Variants in NUDT5 observed in about 807,000 individuals in gnomAD.
The protein encoded by NUDT5 is nudix hydrolase 5.
In NUDT5, 21 loss-of-function variants were observed where a neutral mutation model predicts 34.1. That is an observed-to-expected ratio of 0.62 (90% CI 0.44 to 0.89). NUDT5 has a LOEUF of 0.89. Among genes scored for constraint, NUDT5 ranks in the 40% least tolerant of loss-of-function variants. The probability of loss-of-function intolerance (pLI) is 0.00; values close to 1 mark genes in which losing one functional copy is unlikely to be tolerated. For missense variants in NUDT5, 249 were observed against 274.8 expected, an observed-to-expected ratio of 0.91 and a Z score of 0.66; for synonymous variants, 85 against 97.6, an observed-to-expected ratio of 0.87 and a Z score of 0.76.
intron 3 of NUDT5, among the ~76,000 whole-genome samples, chr10:12,179,514 C>T (rs552373402): frequency 2.0e-5 from 3 of 152,320 alleles, no homozygotes; most frequent in South Asian, 2.1e-4. Context: ...AGACTCACCC[C>T]GTCTCTAGGA....
intron 1 of NUDT5, among the ~76,000 whole-genome samples, chr10:12,193,780 T>C (rs1588664679): frequency 6.6e-6 from 1 of 152,190 alleles, no homozygotes. Context: ...CTGTAGTATC[T>C]ATATATTTAA....
At position 12,166,552 on chromosome 10, in the gene NUDT5, G is replaced by A. The variant is rs1834701523; in HGVS notation, c.*1150C>T. 1 of 320,916 alleles carries A rather than the reference G, an allele frequency of 3.1e-6. No individual in the cohort carries two copies. Among genetic ancestry groups the A allele is most frequent in the African/African-American group, 2.2e-5 (1 of 45,976 alleles). The allele number at this position is 320,916 out of a possible 1,614,324, so 19.9% of individuals were successfully genotyped here. On this transcript the variant is annotated 3_prime_UTR_variant, in exon 10 of 10. Transcript: ENST00000491614. The stretch of plus-strand genomic sequence containing the variant: ...TCAGACAGTGAGCCTGTGGACAAAC[G>A]GAGGCTACTGCAGCATTCTGGCATT...
chr10:12,176,559 G>A (rs560113241), intron 5 of NUDT5, among the ~76,000 whole-genome samples: 14 of 149,998 alleles, frequency 9.3e-5, no homozygotes, highest in Non-Finnish European at 1.3e-4. Context: ...AGCTGAGATC[G>A]TGCCACTGCA....
In NUDT5 at chr10:12,167,440, C is replaced by A; in HGVS notation, c.*262G>T. 1 of 364,922 alleles carries A rather than the reference C, an allele frequency of 2.7e-6. No individual in the cohort carries two copies. The highest frequency in any genetic ancestry group is 5.1e-6 in the Non-Finnish European group (1 of 197,886). The allele number at this position is 364,922 out of a possible 1,614,324, so 22.6% of individuals were successfully genotyped here. On this transcript the variant is annotated 3_prime_UTR_variant, in exon 10 of 10. Transcript: ENST00000491614. ...AGAAAAGTAACTGAGCTGTAGTTAA[C>A]TGCTGTTGAGCTTTAAAAAAATTGG...
chr10:12,192,998 C>T lies in NUDT5; in HGVS notation c.-42+2772G>A, dbSNP rs369658758. Among the ~76,000 whole-genome samples the T allele has an allele frequency of 2.6e-4, 23 of 88,404 alleles. No individual in the cohort carries two copies. In the East Asian group the frequency reaches 6.6e-3, roughly 26 times the overall value. The allele number at this position is 88,404 out of a possible 152,430, so 58.0% of individuals were successfully genotyped here. A position where few individuals can be genotyped will look rare whatever the true frequency, so the allele number is the denominator to read the frequency against. ...AGTTGGGTGGGCAGGGAGTAATTAA[C>T]GTTTACTGAAATTATGCTACTTGGT... On this transcript the variant is annotated intron_variant, in intron 1 of 9. Transcript: ENST00000491614.
rs578142578 is a variant in NUDT5 at position 12,171,800 on chromosome 10, C to G, written c.488-892G>C. Among the ~76,000 whole-genome samples the G allele has an allele frequency of 6.6e-6, 1 of 151,810 alleles. No individual in the cohort carries two copies. Among genetic ancestry groups the G allele is most frequent in the South Asian group, 2.1e-4 (1 of 4,820 alleles). On this transcript the variant is annotated intron_variant, in intron 7 of 9. Coordinates refer to ENST00000491614, the MANE Select transcript of NUDT5 (RefSeq NM_014142.4). The surrounding 1 kb of genome is among the most constrained non-coding windows in gnomAD (Gnocchi z 4.2). ...AGTGCAGTGGTGTGATCTTGACTCACTGCAACCTCCGCCTCCTGGGTTCAA... is the reference window on the plus strand; with the variant it reads ...AGTGCAGTGGTGTGATCTTGACTCAGTGCAACCTCCGCCTCCTGGGTTCAA...
intron 2 of NUDT5, among the ~76,000 whole-genome samples, chr10:12,185,458 G>A (rs1835110462): frequency 6.6e-6 from 1 of 152,206 alleles, no homozygotes. Flanking sequence ...CATGACACGT[G>A]GGTTTCCCAC....
chr10:12,170,056 C>G lies in NUDT5; in HGVS notation c.550+661G>C. 2 of 1,561,592 alleles carry G rather than the reference C, an allele frequency of 1.3e-6. No homozygotes were observed. The highest frequency in any genetic ancestry group is 1.8e-6 in the Non-Finnish European group (2 of 1,133,716). ...ATGGTATGTCTCCATACAGTATCTC[C>G]TCGTCTCCACACAGTATCTCCTCAT... On this transcript the variant is annotated intron_variant, in intron 9 of 9. Transcript: ENST00000491614. This position sits in a 1 kb window ranked among gnomAD's most constrained non-coding sequence, Gnocchi z 4.9.
At chr10:12,193,382 G>C (rs920547870) in intron 1 of NUDT5, among the ~76,000 whole-genome samples, 5 of 152,180 alleles carry the variant, frequency 3.3e-5, no homozygotes, top group South Asian at 2.1e-4. Flanking sequence ...TCATGCTATG[G>C]ATTCAGAGAA....
chr10:12,188,221 C>T (rs1047059450), intron 1 of NUDT5, among the ~76,000 whole-genome samples: 1 of 152,196 alleles, frequency 6.6e-6, no homozygotes, highest in Non-Finnish European at 1.5e-5. Context: ...TGAGTCTGCT[C>T]TTTGTTTCTT....
At chr10:12,190,562 GAC>G (rs548098765) in intron 1 of NUDT5, among the ~76,000 whole-genome samples, 2 of 151,078 alleles carry the variant, frequency 1.3e-5, no homozygotes, top group African/African-American at 4.9e-5. Flanking sequence ...TTAAAGGAGG[GAC>G]ACACACATCC....
rs200279977 is a variant in NUDT5 at position 12,171,687 on chromosome 10, TTTTATTTA to T, written c.488-787_488-780del. 0.085 allele frequency among the ~76,000 whole-genome samples: 11,959 copies of T among 139,954 alleles called. 616 individuals are homozygous for T. The highest frequency in any genetic ancestry group is 0.12 in the East Asian group (591 of 4,898). 91.8% of individuals were successfully genotyped at this position (139,954 alleles called of 152,430 possible). A position where few individuals can be genotyped will look rare whatever the true frequency, so the allele number is the denominator to read the frequency against. Reference sequence around the variant, plus strand: ...TGTGCAGTTCAAAAATTAAGATTTATTTTATTTATTTATTTATTTATTTATTTATTTAT... The same window carrying T: ...TGTGCAGTTCAAAAATTAAGATTTATTTTATTTATTTATTTATTTATTTAT... On this transcript the variant is annotated intron_variant, in intron 7 of 9. Coordinates refer to ENST00000491614, the MANE Select transcript of NUDT5 (RefSeq NM_014142.4). This position sits in a 1 kb window ranked among gnomAD's most constrained non-coding sequence, Gnocchi z 4.2.
chr10:12,177,675 T>C (rs545292680), intron 5 of NUDT5, 118 bp downstream of exon 5: 1 of 757,782 alleles, frequency 1.3e-6, no homozygotes, highest in Non-Finnish European at 2.2e-6. Flanking sequence ...AATGGTTTAG[T>C]TTTACTTAAA....
Position 12,170,786 on chromosome 10 carries a change from G to C in NUDT5, c.497-16C>G. ...TCCACAAACTCTAAACAGACAAAGTGCAAGTGAAAACAAAGCTAACGTCAA... is the reference window on the plus strand; with the variant it reads ...TCCACAAACTCTAAACAGACAAAGTCCAAGTGAAAACAAAGCTAACGTCAA... On this transcript the variant is annotated splice_polypyrimidine_tract_variant and intron_variant, in intron 8 of 9. Coordinates refer to ENST00000491614, the MANE Select transcript of NUDT5 (RefSeq NM_014142.4). This position sits in a 1 kb window ranked among gnomAD's most constrained non-coding sequence, Gnocchi z 4.9. 6.2e-7 allele frequency: 1 copy of C among 1,614,024 alleles called. No individual in the cohort carries two copies. The highest frequency in any genetic ancestry group is 8.5e-7 in the Non-Finnish European group (1 of 1,179,898).
At chr10:12,194,308 A>C (rs556798722) in intron 1 of NUDT5, among the ~76,000 whole-genome samples, 3 of 152,364 alleles carry the variant, frequency 2.0e-5, no homozygotes, top group African/African-American at 7.2e-5. Flanking sequence ...TCCCCCATCG[A>C]TGCTAACATC....
Position 12,173,729 on chromosome 10 carries a change from T to G in NUDT5, c.374A>C (p.Glu125Ala). ...CAAGCAATACCAACCTGGAGAACAT[T>G]CGGCAATGTCCCCTTTGTAGCCAGT... ...EETGYKGDIA[E>A]CSPAVCMDPG... Residue 125 changes from glutamate (E) to alanine (A), a missense_variant, in exon 6 of 10, where the codon GAA becomes GCA. Glu to Ala is a moderately radical substitution (Grantham distance 107, BLOSUM62 -1). Coordinates refer to ENST00000491614, the MANE Select transcript of NUDT5 (RefSeq NM_014142.4). This position sits in a 1 kb window ranked among gnomAD's most constrained non-coding sequence, Gnocchi z 4.7. The G allele has an allele frequency of 6.2e-7, 1 of 1,613,442 alleles. No homozygotes were observed. Among genetic ancestry groups the G allele is most frequent in the Non-Finnish European group, 8.5e-7 (1 of 1,179,380 alleles).
At chr10:12,189,480 C>T (rs763469291) in intron 1 of NUDT5, among the ~76,000 whole-genome samples, 19 of 152,218 alleles carry the variant, frequency 1.2e-4, no homozygotes, top group Middle Eastern at 3.4e-3. Context: ...CCACTGATTC[C>T]GTGAATGACA....
chr10:12,193,614 A>G (rs1835273666), intron 1 of NUDT5, among the ~76,000 whole-genome samples: 1 of 152,236 alleles, frequency 6.6e-6, no homozygotes, highest in South Asian at 2.1e-4. Flanking sequence ...GTATCCATTC[A>G]AAGTATTTGA....
chr10:12,180,997 G>A lies in NUDT5; in HGVS notation c.132-1865C>T, dbSNP rs774775622. ...AAATTAACCCCACATCCCCTTTCAT[G>A]AATGAGACGGTGGAACATAGGATTC... On this transcript the variant is annotated intron_variant, in intron 3 of 9. Coordinates refer to ENST00000491614, the MANE Select transcript of NUDT5 (RefSeq NM_014142.4). Among the ~76,000 whole-genome samples, 11 of 152,282 alleles carry A rather than the reference G, an allele frequency of 7.2e-5. No homozygotes were observed. In the South Asian group the frequency reaches 8.3e-4, roughly 11 times the overall value.
Sources: gnomAD v4.1 joint callset for allele counts (sites outside exome capture counted in the v4.1 genomes callset) on GRCh38, gnomAD v4.1.1 for gene constraint, Gnocchi (gnomAD v3.1) non-coding constraint, MANE v1.5 for transcripts, NCBI Gene and HGNC (gene_info 2026-07-23, HGNC 2026-07-21) for gene names.